The following ARPIN variants were observed in gnomAD, a reference collection of about 807,000 sequenced individuals.
ARPIN encodes UPF0552 protein C15orf38.
ARPIN carries 23 observed loss-of-function variants against 25.9 expected under a neutral mutation model. That is an observed-to-expected ratio of 0.89 (90% CI 0.64 to 1.26). The LOEUF (loss-of-function observed/expected upper bound fraction) is 1.26. Among genes scored for constraint, ARPIN ranks in the 50% most tolerant of loss-of-function variants. ARPIN has a pLI of 0.00. For synonymous variants in ARPIN, 126 were observed against 131.4 expected (o/e 0.96, Z 0.28); for missense variants, 333 against 312.2 (o/e 1.07, Z -0.50).
chr15:89,908,441 G>T (rs754351317), intron 2 of ARPIN, 29 bp from the exon 3 acceptor site: 1 of 1,612,340 alleles, frequency 6.2e-7, no homozygotes, highest in Non-Finnish European at 8.5e-7. Context: ...AGAGTGAGGG[G>T]GCGGCTTCAT....
intron 4 of ARPIN, 93 bp from the exon 5 acceptor site, chr15:89,903,472 G>T: frequency 6.4e-7 from 1 of 1,564,990 alleles, no homozygotes; most frequent in South Asian, 1.2e-5. Flanking sequence ...CTAGGCCTGG[G>T]TTAAACCACT....
chr15:89,905,259 TA>T (rs1897099917), intron 3 of ARPIN, among the ~76,000 whole-genome samples: 1 of 152,026 alleles, frequency 6.6e-6, no homozygotes. Context: ...TGACCTCAGG[TA>T]ATCCACCCAT....
At chr15:89,912,207 C>A in intron 1 of ARPIN, 1 of 986,362 alleles carries the variant, frequency 1.0e-6, no homozygotes, top group Non-Finnish European at 1.2e-6. Context: ...TGGCTTATTT[C>A]ACTTAGCACA....
intron 3 of ARPIN, 146 bp downstream of exon 3, chr15:89,908,134 G>A: frequency 7.6e-7 from 1 of 1,320,498 alleles, no homozygotes; most frequent in South Asian, 1.6e-5. Flanking sequence ...GGCCAGGGGT[G>A]GATGTGGAAG....
intron 2 of ARPIN, among the ~76,000 whole-genome samples, chr15:89,909,039 C>T (rs1208663542): frequency 2.6e-5 from 4 of 152,082 alleles, no homozygotes; most frequent in Non-Finnish European, 4.4e-5. Flanking sequence ...ACCGCAAATA[C>T]CATGAAGCAG....
At chr15:89,908,653 G>C (rs1275527946) in intron 2 of ARPIN, among the ~76,000 whole-genome samples, 1 of 152,126 alleles carries the variant, frequency 6.6e-6, no homozygotes, top group African/African-American at 2.4e-5. Flanking sequence ...CAAGCCCAGG[G>C]CTTCCACACA....
chr15:89,908,202 G>A (rs1897158823), intron 3 of ARPIN, 78 bp downstream of exon 3: 5 of 1,589,502 alleles, frequency 3.1e-6, no homozygotes, highest in Non-Finnish European at 1.7e-6. Context: ...CTTTCCAGGG[G>A]CTAAGAGGCT....
Position 89,912,445 on chromosome 15 carries a change from C to T in ARPIN, c.92+299G>A, listed in dbSNP as rs1897241345. Reference sequence around the variant, plus strand: ...TTATAGTTACGCGGGTGGGGTGGGGCCGGAGGTCGGCGTGAGGCGAAGCCC... The same window carrying T: ...TTATAGTTACGCGGGTGGGGTGGGGTCGGAGGTCGGCGTGAGGCGAAGCCC... On this transcript the variant is annotated intron_variant, in intron 1 of 5. Transcript: ENST00000357484. 3 of 1,213,154 alleles carry T rather than the reference C, an allele frequency of 2.5e-6. No individual in the cohort carries two copies. In the African/African-American group the frequency reaches 4.8e-5, roughly 19 times the overall value. The allele number at this position is 1,213,154 out of a possible 1,614,324, so 75.1% of individuals were successfully genotyped here. A position where few individuals can be genotyped will look rare whatever the true frequency, so the allele number is the denominator to read the frequency against.
At chr15:89,910,858 C>G (rs376174192) in intron 1 of ARPIN, 39 bp from the exon 2 acceptor site, 4 of 1,610,556 alleles carry the variant, frequency 2.5e-6, no homozygotes, top group Non-Finnish European at 2.5e-6. Flanking sequence ...CCAGTTTTGT[C>G]AGTCCTCAGC....
intron 3 of ARPIN, among the ~76,000 whole-genome samples, chr15:89,907,266 C>T (rs1281290772): frequency 6.6e-6 from 1 of 151,978 alleles, no homozygotes; most frequent in Non-Finnish European, 1.5e-5. Flanking sequence ...TGGGGTTTCA[C>T]CATGTTCGCC....
At chr15:89,912,610 C>T (rs1180293313) in intron 1 of ARPIN, 134 bp downstream of exon 1, 1 of 1,348,680 alleles carries the variant, frequency 7.4e-7, no homozygotes, top group Non-Finnish European at 9.5e-7. Flanking sequence ...ACTGGAGGGG[C>T]GGACTGAAGG....
rs746988982 is a variant in ARPIN at position 89,903,265 on chromosome 15, GC to G, written c.622del (p.Ala208LeufsTer33). The stretch of plus-strand genomic sequence containing the variant: ...CCCCTGCTCTCGGATCTCCGCTGCA[GC>G]CCCCTTCGAACACTTTTGGGCCATG... ...NIMAQKCSKG[A>X]AAEIREQGDG... On this transcript the variant is annotated frameshift_variant, in exon 5 of 6. Coordinates refer to ENST00000357484, the MANE Select transcript of ARPIN (RefSeq NM_182616.4). LOFTEE classifies it high-confidence loss of function. The G allele has an allele frequency of 3.1e-6, 5 of 1,614,060 alleles. No homozygotes were observed. The African/African-American group carries it at 4.0e-5, about 13-fold the overall frequency.
intron 5 of ARPIN, chr15:89,903,014 T>G (rs916398212): frequency 7.6e-6 from 11 of 1,455,248 alleles, no homozygotes; most frequent in Admixed American, 7.5e-5. Context: ...CAGAGCCACC[T>G]ACAAGAAAGG....
intron 1 of ARPIN, among the ~76,000 whole-genome samples, chr15:89,911,271 G>C (rs1897218691): frequency 6.6e-6 from 1 of 152,178 alleles, no homozygotes; most frequent in African/African-American, 2.4e-5. Context: ...CTTTCCACCT[G>C]TTTTTAAACA....
chr15:89,908,896 T>C (rs1333672863), intron 2 of ARPIN, among the ~76,000 whole-genome samples: 1 of 152,092 alleles, frequency 6.6e-6, no homozygotes, highest in Non-Finnish European at 1.5e-5. Flanking sequence ...GGCAGGAGAA[T>C]CGCTTGAGCC....
Position 89,896,363 on chromosome 15 carries a change from G to C in ARPIN, c.*5432C>G, listed in dbSNP as rs573594853. 6.6e-6 allele frequency: 1 copy of C among 152,224 alleles called. No homozygotes were observed. Among genetic ancestry groups the C allele is most frequent in the East Asian group, 1.9e-4 (1 of 5,182 alleles). 9.4% of individuals were successfully genotyped at this position (152,224 alleles called of 1,614,324 possible). A position where few individuals can be genotyped will look rare whatever the true frequency, so the allele number is the denominator to read the frequency against. ...ATGGTTCAAATTGTAATTATAGGAA[G>C]AATAACTGAAATATTATAAATAATT... On this transcript the variant is annotated 3_prime_UTR_variant, in exon 6 of 6. Transcript: ENST00000357484.
Position 89,901,605 on chromosome 15 carries a change from C to T in ARPIN, c.*190G>A. ...CTCCCTGAGCCACAGCATGAGGCCC[C>T]ACCACCAACACAGTGGTCATGGGTT... On this transcript the variant is annotated 3_prime_UTR_variant, in exon 6 of 6. Coordinates refer to ENST00000357484, the MANE Select transcript of ARPIN (RefSeq NM_182616.4). 1.5e-6 allele frequency: 1 copy of T among 649,144 alleles called. No individual in the cohort carries two copies. The highest frequency in any genetic ancestry group is 2.8e-5 in the East Asian group (1 of 35,624). 40.2% of individuals were successfully genotyped at this position (649,144 alleles called of 1,614,324 possible). A position where few individuals can be genotyped will look rare whatever the true frequency, so the allele number is the denominator to read the frequency against.
chr15:89,895,304 C>T lies in ARPIN; in HGVS notation c.*6491G>A, dbSNP rs1896912765. On this transcript the variant is annotated 3_prime_UTR_variant, in exon 6 of 6. Transcript: ENST00000357484. ...ACACCTGTTAAGCTAAAAGATTACA[C>T]AAAGTATGTACAGGGACAACCCACT... 6.6e-6 allele frequency: 1 copy of T among 152,082 alleles called. No individual in the cohort carries two copies. Among genetic ancestry groups the T allele is most frequent in the Admixed American group, 6.6e-5 (1 of 15,262 alleles). The allele number at this position is 152,082 out of a possible 1,614,324, so 9.4% of individuals were successfully genotyped here.
intron 3 of ARPIN, among the ~76,000 whole-genome samples, chr15:89,905,053 G>A (rs1046455572): frequency 4.1e-5 from 6 of 145,258 alleles, no homozygotes; most frequent in Non-Finnish European, 7.5e-5. Flanking sequence ...ATGGAGTTTC[G>A]CTTTGTCACC....
Sources: gnomAD v4.1 joint callset for allele counts (sites outside exome capture counted in the v4.1 genomes callset) on GRCh38, gnomAD v4.1.1 for gene constraint, MANE v1.5 for transcripts, NCBI Gene and HGNC (gene_info 2026-07-23, HGNC 2026-07-21) for gene names.